DDX10: variants seen among roughly 807,000 people sequenced by gnomAD.
DDX10 encodes probable ATP-dependent RNA helicase DDX10.
Under a neutral mutation model 104.3 loss-of-function variants are expected in DDX10, and 74 were observed. The ratio of observed to expected loss-of-function variants is 0.71; its 90% CI spans 0.59 to 0.86. The LOEUF is 0.86. Among genes scored for constraint, DDX10 ranks in the 40% least tolerant of loss-of-function variants. The pLI is 0.00. For synonymous variants in DDX10, 351 were observed against 353.4 expected (o/e 0.99, Z 0.08); for missense variants, 952 against 1,040.0 (o/e 0.92, Z 1.16).
intron 16 of DDX10, among the ~76,000 whole-genome samples, chr11:108,862,907 G>A (rs547265499): frequency 6.6e-6 from 1 of 152,308 alleles, no homozygotes; most frequent in East Asian, 1.9e-4. Flanking sequence ...ATCATTATAT[G>A]TGACTACTGT....
intron 13 of DDX10, among the ~76,000 whole-genome samples, chr11:108,785,185 A>G (rs1017443732): frequency 2.0e-5 from 3 of 152,130 alleles, no homozygotes; most frequent in Non-Finnish European, 2.9e-5. Context: ...TGAAATGATC[A>G]TATGATTTTT....
chr11:108,747,138 A>G (rs1048557661), intron 13 of DDX10, among the ~76,000 whole-genome samples: 1 of 152,154 alleles, frequency 6.6e-6, no homozygotes, highest in Non-Finnish European at 1.5e-5. Flanking sequence ...TTGAATGTGC[A>G]TTGTGCTAGA....
At chr11:108,771,853 G>A (rs1343982073) in intron 13 of DDX10, among the ~76,000 whole-genome samples, 1 of 152,162 alleles carries the variant, frequency 6.6e-6, no homozygotes. Flanking sequence ...GCTTGTTTTT[G>A]TCTTGATCCA....
chr11:108,765,619 A>G (rs1231717258), intron 13 of DDX10, among the ~76,000 whole-genome samples: 3 of 152,242 alleles, frequency 2.0e-5, no homozygotes, highest in Non-Finnish European at 4.4e-5. Flanking sequence ...CCTGTATTTA[A>G]TATGTGTCAG....
intron 13 of DDX10, among the ~76,000 whole-genome samples, chr11:108,738,004 A>T (rs12794048): frequency 0.14 from 21,017 of 152,016 alleles, 1,589 homozygotes; most frequent in East Asian, 0.25. Flanking sequence ...AGGTACACTA[A>T]TTTCAAAATG....
At chr11:108,839,169 A>G (rs1862602390) in intron 14 of DDX10, among the ~76,000 whole-genome samples, 1 of 152,222 alleles carries the variant, frequency 6.6e-6, no homozygotes, top group South Asian at 2.1e-4. Context: ...TTTTAAAATG[A>G]TGAAATAGAT....
chr11:108,814,396 C>G (rs1591825363), intron 13 of DDX10, among the ~76,000 whole-genome samples: 1 of 152,038 alleles, frequency 6.6e-6, no homozygotes. Flanking sequence ...GGTCCTAAAT[C>G]AAATGTGATT....
chr11:108,927,994 G>A (rs1273253257), intron 17 of DDX10, among the ~76,000 whole-genome samples: 1 of 152,168 alleles, frequency 6.6e-6, no homozygotes, highest in African/African-American at 2.4e-5. Flanking sequence ...CGCAGCCCAG[G>A]AAGTGTGGTT....
intron 13 of DDX10, among the ~76,000 whole-genome samples, chr11:108,783,673 T>A (rs1471777878): frequency 6.6e-6 from 1 of 152,164 alleles, no homozygotes; most frequent in African/African-American, 2.4e-5. Context: ...TATTTTTATT[T>A]TTTATACTTT....
chr11:108,750,712 T>TTA (rs971928550), intron 13 of DDX10, among the ~76,000 whole-genome samples: 1 of 151,482 alleles, frequency 6.6e-6, no homozygotes, highest in Admixed American at 6.6e-5. Context: ...TAGACTTTTC[T>TTA]TATATATATG....
At chr11:108,849,815 A>G (rs1862767179) in intron 15 of DDX10, among the ~76,000 whole-genome samples, 2 of 152,156 alleles carry the variant, frequency 1.3e-5, no homozygotes, top group African/African-American at 2.4e-5. Flanking sequence ...ACTGAATCTA[A>G]TAAGATTCAC....
At chr11:108,828,488 C>A (rs1420749308) in intron 13 of DDX10, among the ~76,000 whole-genome samples, 1 of 152,112 alleles carries the variant, frequency 6.6e-6, no homozygotes, top group Non-Finnish European at 1.5e-5. Flanking sequence ...TATTTCATTC[C>A]TTTTTACGGC....
intron 13 of DDX10, among the ~76,000 whole-genome samples, chr11:108,786,401 TGTTA>T (rs2134544070): frequency 6.6e-6 from 1 of 152,306 alleles, no homozygotes; most frequent in African/African-American, 2.4e-5. Context: ...GTCCAGAATT[TGTTA>T]GTTCTCTGCT....
chr11:108,688,037 A>G (rs973450526), intron 6 of DDX10, among the ~76,000 whole-genome samples: 1 of 152,178 alleles, frequency 6.6e-6, no homozygotes, highest in Admixed American at 6.5e-5. Context: ...TCAGCAATAT[A>G]TGGATAGAAT....
At chr11:108,698,920 C>G (rs1388521924) in intron 9 of DDX10, among the ~76,000 whole-genome samples, 1 of 152,210 alleles carries the variant, frequency 6.6e-6, no homozygotes, top group Non-Finnish European at 1.5e-5. Flanking sequence ...GGTGCTGTCT[C>G]TTTTCTGCTG....
chr11:108,832,097 A>G (rs1862480770), intron 13 of DDX10, among the ~76,000 whole-genome samples: 1 of 152,288 alleles, frequency 6.6e-6, no homozygotes, highest in Non-Finnish European at 1.5e-5. Context: ...CAATAATACA[A>G]AATCTTGTCA....
intron 16 of DDX10, among the ~76,000 whole-genome samples, chr11:108,905,314 G>GA (rs898502339): frequency 2.4e-5 from 3 of 126,460 alleles, no homozygotes; most frequent in African/African-American, 4.6e-5. Flanking sequence ...ATTGTTTAAG[G>GA]GGGGGGGGGG....
In DDX10 at chr11:108,825,776, G is replaced by A. The variant is rs141391494; in HGVS notation, c.1966-12670G>A. Among the ~76,000 whole-genome samples the A allele has an allele frequency of 2.6e-3, 400 of 152,284 alleles. 2 individuals carry two copies. Among genetic ancestry groups the A allele is most frequent in the Non-Finnish European group, 3.8e-3 (257 of 68,022 alleles). ...TATAAACTACAAGGAAAATAGTAGT[G>A]CATGGCCTTATTAATCATACAGAAA... On this transcript the variant is annotated intron_variant, in intron 13 of 17. Transcript: ENST00000322536.
At chr11:108,708,149 G>A (rs537389916) in intron 10 of DDX10, among the ~76,000 whole-genome samples, 29 of 149,296 alleles carry the variant, frequency 1.9e-4, no homozygotes, top group African/African-American at 5.9e-4. Flanking sequence ...ATTCTTGCCA[G>A]CATTTGTAGA....
Sources: allele counts gnomAD v4.1 joint callset (sites outside exome capture counted in the v4.1 genomes callset), GRCh38; gene constraint gnomAD v4.1.1; transcripts MANE v1.5; gene names NCBI Gene and HGNC (gene_info 2026-07-23, HGNC 2026-07-21).